Variants in NALF1 observed in about 807,000 individuals in gnomAD.
The protein encoded by NALF1 is family with sequence similarity 155 member A.
In NALF1, 3 loss-of-function variants were observed where a neutral mutation model predicts 48.4. The observed-to-expected ratio is 0.06, with a 90% CI of 0.03 to 0.16. The LOEUF is 0.16. Among genes scored for constraint, NALF1 ranks in the 10% least tolerant of loss-of-function variants. NALF1 has a pLI of 1.00. For missense variants in NALF1, 526 were observed against 571.5 expected (o/e 0.92, Z 0.81); for synonymous variants, 262 against 245.7 (o/e 1.07, Z -0.62).
intron 1 of NALF1, among the ~76,000 whole-genome samples, chr13:107,234,963 A>G (rs1005600606): frequency 1.3e-5 from 2 of 151,924 alleles, no homozygotes; most frequent in Non-Finnish European, 2.9e-5. Context: ...CCCATGCCCC[A>G]CCGCCTCTCC....
intron 1 of NALF1, among the ~76,000 whole-genome samples, chr13:107,291,234 C>T (rs1259088316): frequency 6.6e-6 from 1 of 151,832 alleles, no homozygotes; most frequent in Non-Finnish European, 1.5e-5. Context: ...ATATGAAAAA[C>T]AATTGACAAA....
chr13:107,855,540 C>T (rs2138645815), intron 1 of NALF1, among the ~76,000 whole-genome samples: 1 of 152,256 alleles, frequency 6.6e-6, no homozygotes, highest in African/African-American at 2.4e-5. Context: ...TTTTATGTAC[C>T]AAAGAATTGT....
chr13:107,859,852 T>C (rs1342943329), intron 1 of NALF1, among the ~76,000 whole-genome samples: 12 of 147,656 alleles, frequency 8.1e-5, no homozygotes, highest in African/African-American at 2.8e-4. Context: ...GAGGAGGAGG[T>C]TGCAGTGAGC....
chr13:107,365,829 T>C (rs1883142840), intron 1 of NALF1, among the ~76,000 whole-genome samples: 1 of 152,192 alleles, frequency 6.6e-6, no homozygotes, highest in Admixed American at 6.5e-5. Context: ...TGCACTAAAA[T>C]ATATTTTGCC....
chr13:107,610,460 C>T (rs76125702), intron 1 of NALF1, among the ~76,000 whole-genome samples: 1,674 of 152,072 alleles, frequency 0.011, 14 homozygotes, highest in Non-Finnish European at 0.018. Flanking sequence ...AAAAAAAAGA[C>T]AGTATGATAC....
At chr13:107,673,283 A>G (rs1881034247) in intron 1 of NALF1, among the ~76,000 whole-genome samples, 1 of 152,178 alleles carries the variant, frequency 6.6e-6, no homozygotes, top group African/African-American at 2.4e-5. Context: ...TGAAATTAGT[A>G]GAGGAAAATA....
At chr13:107,789,857 T>G (rs1045250840) in intron 1 of NALF1, among the ~76,000 whole-genome samples, 24 of 152,200 alleles carry the variant, frequency 1.6e-4, no homozygotes, top group Non-Finnish European at 2.8e-4. Context: ...GACAGAAACT[T>G]GTCAACCAAC....
chr13:107,522,118 C>T (rs1485390912), intron 1 of NALF1, among the ~76,000 whole-genome samples: 1 of 152,110 alleles, frequency 6.6e-6, no homozygotes, highest in Admixed American at 6.5e-5. Flanking sequence ...CCGCTTGCAA[C>T]AAAAATGCTT....
chr13:107,428,476 T>C (rs1884319036), intron 1 of NALF1, among the ~76,000 whole-genome samples: 1 of 152,144 alleles, frequency 6.6e-6, no homozygotes, highest in African/African-American at 2.4e-5. Context: ...ATTCTATCTA[T>C]AATTTGAGCA....
chr13:107,243,483 T>C lies in NALF1; in HGVS notation c.916-32728A>G, dbSNP rs1175799382. 2.6e-5 allele frequency among the ~76,000 whole-genome samples: 4 copies of C among 152,192 alleles called. No homozygotes were observed. In the East Asian group the frequency reaches 5.8e-4, roughly 22 times the overall value. On this transcript the variant is annotated intron_variant, in intron 1 of 2. Coordinates refer to ENST00000375915, the MANE Select transcript of NALF1 (RefSeq NM_001080396.3). The stretch of plus-strand genomic sequence containing the variant: ...CCGTTGATGTATTTGTGTACTTGAT[T>C]CCTGCCTGTCCCCATCCAAACCCTA...
intron 1 of NALF1, among the ~76,000 whole-genome samples, chr13:107,606,058 T>C (rs944358564): frequency 1.3e-5 from 2 of 152,298 alleles, no homozygotes; most frequent in Admixed American, 6.5e-5. Context: ...TTCATTTATA[T>C]ATACAGTGCA....
At chr13:107,258,711 G>GAC (rs112040562) in intron 1 of NALF1, among the ~76,000 whole-genome samples, 53 of 152,178 alleles carry the variant, frequency 3.5e-4, no homozygotes, top group African/African-American at 9.6e-4. Context: ...ATCCTATATT[G>GAC]ACAAAATAAA....
Position 107,866,459 on chromosome 13 carries a change from C to T in NALF1, c.138G>A (p.Leu46=). The part of the protein sequence containing the change: ...QKWRLSLASL[L]FFTVLLSDHL... ...GATCAGAGAGCAGGACTGTGAAAAA[C>T]AAGAGAGATGCCAGAGACAGTCGCC... is the stretch of plus-strand genomic sequence containing the variant. The change falls in exon 1 of 3, where the codon TTG becomes TTA. Residue 46 remains leucine (L), a synonymous_variant. Coordinates refer to ENST00000375915, the MANE Select transcript of NALF1 (RefSeq NM_001080396.3). This position sits in a 1 kb window ranked among gnomAD's most constrained non-coding sequence, Gnocchi z 4.4. 1.9e-6 allele frequency: 3 copies of T among 1,614,172 alleles called. No individual in the cohort carries two copies. Among genetic ancestry groups the T allele is most frequent in the Non-Finnish European group, 2.5e-6 (3 of 1,180,032 alleles).
intron 1 of NALF1, among the ~76,000 whole-genome samples, chr13:107,409,323 G>A (rs1883950891): frequency 6.6e-6 from 1 of 152,156 alleles, no homozygotes; most frequent in Admixed American, 6.6e-5. Context: ...TTGAGTTTGT[G>A]GTCTTGGGAA....
intron 1 of NALF1, among the ~76,000 whole-genome samples, chr13:107,830,707 A>G (rs981822247): frequency 4.6e-5 from 7 of 151,762 alleles, no homozygotes; most frequent in Non-Finnish European, 1.0e-4. Context: ...TCTCCGTGTG[A>G]TCTCACCCCT....
chr13:107,842,510 G>A (rs1432889747), intron 1 of NALF1, among the ~76,000 whole-genome samples: 1 of 151,640 alleles, frequency 6.6e-6, no homozygotes, highest in Non-Finnish European at 1.5e-5. Flanking sequence ...AACAGTTTTT[G>A]TGGTAAAGTA....
intron 1 of NALF1, among the ~76,000 whole-genome samples, chr13:107,696,433 A>T (rs917073135): frequency 6.6e-6 from 1 of 152,190 alleles, no homozygotes; most frequent in Non-Finnish European, 1.5e-5. Flanking sequence ...GAAACTGTAT[A>T]AACACAGGCA....
Position 107,165,651 on chromosome 13 carries a change from T to TTG in NALF1, c.*4845_*4846insCA, listed in dbSNP as rs1187080971. ...GGAGAATTTCTAGAATTTGTAGCTG[T>TTG]TTGATAGTTCTTATAAATGTCATGA... On this transcript the variant is annotated 3_prime_UTR_variant, in exon 3 of 3. Coordinates refer to ENST00000375915, the MANE Select transcript of NALF1 (RefSeq NM_001080396.3). The TTG allele has an allele frequency of 4.6e-5, 7 of 152,244 alleles. No individual in the cohort carries two copies. Among genetic ancestry groups the TTG allele is most frequent in the Admixed American group, 4.6e-4 (7 of 15,290 alleles). The allele number at this position is 152,244 out of a possible 1,614,324, so 9.4% of individuals were successfully genotyped here.
At chr13:107,761,764 T>A (rs537844638) in intron 1 of NALF1, among the ~76,000 whole-genome samples, 5 of 152,222 alleles carry the variant, frequency 3.3e-5, no homozygotes, top group Non-Finnish European at 7.3e-5. Context: ...GGACTTCATA[T>A]TCAAAGCACC....
Sources: allele counts gnomAD v4.1 joint callset (sites outside exome capture counted in the v4.1 genomes callset), GRCh38; gene constraint gnomAD v4.1.1; non-coding constraint Gnocchi (gnomAD v3.1); transcripts MANE v1.5; gene names NCBI Gene and HGNC (gene_info 2026-07-23, HGNC 2026-07-21).